COP1: variants seen among roughly 807,000 people sequenced by gnomAD.
The protein encoded by COP1 is COP1 E3 ubiquitin ligase.
In COP1, 24 loss-of-function variants were observed where a neutral mutation model predicts 101.3. The observed-to-expected ratio is 0.24, with a 90% CI of 0.17 to 0.33. COP1 has a LOEUF of 0.33. Among genes scored for constraint, COP1 ranks in the 10% least tolerant of loss-of-function variants. The pLI, the probability that COP1 is intolerant of heterozygous loss-of-function variation, is 1.00. For synonymous variants in COP1, 347 were observed against 341.9 expected (o/e 1.01, Z -0.17); for missense variants, 663 against 906.2 (o/e 0.73, Z 3.45).
chr1:176,077,614 C>G (rs1021402362), intron 11 of COP1, among the ~76,000 whole-genome samples: 1 of 152,080 alleles, frequency 6.6e-6, no homozygotes, highest in Non-Finnish European at 1.5e-5. Flanking sequence ...CCCACTTTCA[C>G]CACTCCTATT....
chr1:176,075,929 G>A (rs1677899287), intron 11 of COP1, among the ~76,000 whole-genome samples: 1 of 150,786 alleles, frequency 6.6e-6, no homozygotes, highest in Admixed American at 6.6e-5. Context: ...CTTGAACCTG[G>A]GAGGTGGAGG....
At chr1:176,090,603 A>G (rs1038279336) in intron 9 of COP1, among the ~76,000 whole-genome samples, 8 of 152,164 alleles carry the variant, frequency 5.3e-5, no homozygotes, top group African/African-American at 1.7e-4. Context: ...TACCTACACA[A>G]AAGTAATTGA....
At chr1:176,009,517 C>T (rs1278940510) in intron 15 of COP1, among the ~76,000 whole-genome samples, 1 of 152,000 alleles carries the variant, frequency 6.6e-6, no homozygotes, top group Non-Finnish European at 1.5e-5. Flanking sequence ...AAAAGTTTTA[C>T]AGTAGCTAAA....
chr1:175,953,277 T>C (rs1024893791), intron 18 of COP1, among the ~76,000 whole-genome samples: 1 of 144,796 alleles, frequency 6.9e-6, no homozygotes, highest in Admixed American at 6.9e-5. Flanking sequence ...AGAAAAAATA[T>C]TATAAAAATA....
At chr1:176,039,229 CT>C (rs2149147750) in intron 14 of COP1, among the ~76,000 whole-genome samples, 1 of 152,106 alleles carries the variant, frequency 6.6e-6, no homozygotes, top group South Asian at 2.1e-4. Flanking sequence ...AAAAAGGAAT[CT>C]CAGGGGAAAT....
intron 8 of COP1, 62 bp from the exon 9 acceptor site, chr1:176,116,743 G>A (rs1435734203): frequency 8.1e-7 from 1 of 1,233,836 alleles, no homozygotes; most frequent in Admixed American, 1.9e-5. Flanking sequence ...AACAGAAAAA[G>A]TAAATCTAAA....
chr1:176,134,407 A>T (rs956375926), intron 8 of COP1, among the ~76,000 whole-genome samples: 1 of 152,050 alleles, frequency 6.6e-6, no homozygotes, highest in Non-Finnish European at 1.5e-5. Context: ...AAACACACAC[A>T]TTCACCATGC....
chr1:176,019,152 C>T lies in COP1; in HGVS notation c.1729+8420G>A, dbSNP rs192158562. Reference sequence around the variant, plus strand: ...CTGCACTCCAGCTTGGGCAACAGAGCGAGAATAGACTTTTTAAAAAAATAA... The same window carrying T: ...CTGCACTCCAGCTTGGGCAACAGAGTGAGAATAGACTTTTTAAAAAAATAA... On this transcript the variant is annotated intron_variant, in intron 15 of 19. Transcript: ENST00000367669. Among the ~76,000 whole-genome samples the T allele has an allele frequency of 9.6e-4, 144 of 150,588 alleles. 1 individual carries two copies. Among genetic ancestry groups the T allele is most frequent in the African/African-American group, 3.1e-3 (127 of 40,904 alleles).
In COP1 at chr1:176,176,016, AGGGGGG is replaced by A; in HGVS notation, c.468-15_468-10del. The stretch of plus-strand genomic sequence containing the variant: ...GATGAATACACTTGTAGCTATTAGT[AGGGGGG>A]GAAAAAAAAGGCTTAATTAAATCAA... On this transcript the variant is annotated splice_polypyrimidine_tract_variant and intron_variant, in intron 2 of 19. Transcript: ENST00000367669. 2 of 1,354,212 alleles carry A rather than the reference AGGGGGG, an allele frequency of 1.5e-6. No homozygotes were observed. Among genetic ancestry groups the A allele is most frequent in the Non-Finnish European group, 1.0e-6 (1 of 962,600 alleles). 83.9% of individuals were successfully genotyped at this position (1,354,212 alleles called of 1,614,324 possible). A position where few individuals can be genotyped will look rare whatever the true frequency, so the allele number is the denominator to read the frequency against.
intron 11 of COP1, 135 bp from the exon 12 acceptor site, chr1:176,046,459 T>G (rs1462421602): frequency 1.3e-6 from 1 of 749,718 alleles, no homozygotes; most frequent in Non-Finnish European, 2.1e-6. Flanking sequence ...CCAGATTAAG[T>G]AATCAACACA....
At chr1:176,073,536 T>C (rs1247330317) in intron 11 of COP1, among the ~76,000 whole-genome samples, 1 of 152,204 alleles carries the variant, frequency 6.6e-6, no homozygotes, top group Non-Finnish European at 1.5e-5. Flanking sequence ...GAACACCTAA[T>C]AGAATAAAAA....
In COP1 at chr1:175,949,655, G is replaced by C. The variant is rs184300851; in HGVS notation, c.2134-2416C>G. Among the ~76,000 whole-genome samples the C allele has an allele frequency of 1.5e-3, 229 of 152,336 alleles. 7 individuals are homozygous for C. Among genetic ancestry groups the C allele is most frequent in the Admixed American group, 0.014 (213 of 15,298 alleles). ...GGAGGGGACAGACTCTGGTCTGCAAGAAAGCTACTGCCAAGAGCCACCACC... is the reference window on the plus strand; with the variant it reads ...GGAGGGGACAGACTCTGGTCTGCAACAAAGCTACTGCCAAGAGCCACCACC... On this transcript the variant is annotated intron_variant, in intron 18 of 19. Transcript: ENST00000367669.
intron 11 of COP1, among the ~76,000 whole-genome samples, chr1:176,076,815 A>G (rs1678115643): frequency 6.6e-6 from 1 of 152,184 alleles, no homozygotes; most frequent in South Asian, 2.1e-4. Flanking sequence ...AGAAATACAA[A>G]AGATTCTCAG....
chr1:175,973,938 A>G (rs1242032117), intron 18 of COP1, among the ~76,000 whole-genome samples: 1 of 152,242 alleles, frequency 6.6e-6, no homozygotes, highest in East Asian at 1.9e-4. Flanking sequence ...TGAGGATCCT[A>G]CAGGCAGTTC....
At chr1:176,021,897 TCTAG>T (rs1365198176) in intron 15 of COP1, among the ~76,000 whole-genome samples, 1 of 152,242 alleles carries the variant, frequency 6.6e-6, no homozygotes, top group African/African-American at 2.4e-5. Context: ...CGTGGATTTC[TCTAG>T]CTGACAGATT....
rs545069702 is a variant in COP1 at position 176,194,568 on chromosome 1, G to A, written c.408-9876C>T. On this transcript the variant is annotated intron_variant, in intron 1 of 19. Transcript: ENST00000367669. ...CAGGAGAATCACTCGAACCCAAGAGGAGGAAGTTGCAGTGAGCCAAGATAA... is the reference window on the plus strand; with the variant it reads ...CAGGAGAATCACTCGAACCCAAGAGAAGGAAGTTGCAGTGAGCCAAGATAA... Among the ~76,000 whole-genome samples the A allele has an allele frequency of 1.3e-3, 192 of 152,212 alleles. 2 individuals carry two copies. Among genetic ancestry groups the A allele is most frequent in the Non-Finnish European group, 2.3e-3 (154 of 68,012 alleles).
chr1:176,078,903 C>A (rs1431181926), intron 11 of COP1, among the ~76,000 whole-genome samples: 17 of 152,246 alleles, frequency 1.1e-4, no homozygotes, highest in Non-Finnish European at 2.2e-4. Context: ...CTCAGCATCA[C>A]TAATCATCAG....
chr1:176,058,065 C>G (rs1473896974), intron 11 of COP1, among the ~76,000 whole-genome samples: 3 of 147,450 alleles, frequency 2.0e-5, no homozygotes. Flanking sequence ...CCGGCAGCCG[C>G]CCCGGCCGGG....
At chr1:176,016,484 T>C (rs571975082) in intron 15 of COP1, among the ~76,000 whole-genome samples, 3 of 152,292 alleles carry the variant, frequency 2.0e-5, no homozygotes, top group African/African-American at 7.2e-5. Context: ...AGAATTTCTA[T>C]GTAAGGGTAG....
Sources: gnomAD v4.1 joint callset for allele counts (sites outside exome capture counted in the v4.1 genomes callset) on GRCh38, gnomAD v4.1.1 for gene constraint, MANE v1.5 for transcripts, NCBI Gene and HGNC (gene_info 2026-07-23, HGNC 2026-07-21) for gene names.